The following KIF21B variants were observed in gnomAD, a reference collection of about 807,000 sequenced individuals.
KIF21B encodes kinesin family member 21B, also known as kinesin-like protein KIF21B.
In KIF21B, 85 loss-of-function variants were observed where a neutral mutation model predicts 192.9. The observed-to-expected ratio is 0.44, with a 90% CI of 0.37 to 0.53. KIF21B has a LOEUF of 0.53. Among genes scored for constraint, KIF21B ranks in the 20% least tolerant of loss-of-function variants. The pLI, the probability that KIF21B is intolerant of heterozygous loss-of-function variation, is 0.00. For missense variants in KIF21B, 1,716 were observed against 2,194.8 expected (o/e 0.78, Z 4.36); for synonymous variants, 832 against 884.6 (o/e 0.94, Z 1.05).
In KIF21B at chr1:200,998,595, C is replaced by A; in HGVS notation, c.1886-20G>T. 1 of 1,609,632 alleles carries A rather than the reference C, an allele frequency of 6.2e-7. No homozygotes were observed. Among genetic ancestry groups the A allele is most frequent in the Non-Finnish European group, 8.5e-7 (1 of 1,177,422 alleles). On this transcript the variant is annotated intron_variant, in intron 13 of 34. Coordinates refer to ENST00000461742, the MANE Select transcript of KIF21B (RefSeq NM_001252102.2). This position sits in a 1 kb window ranked among gnomAD's most constrained non-coding sequence, Gnocchi z 4.3. ...TCACCTCTATGGGGGCACAATCAGG[C>A]TCAGCCCAGCGTTAGGGCGAGGGGC...
At chr1:201,009,967 G>C (rs549777516) in intron 1 of KIF21B, among the ~76,000 whole-genome samples, 26 of 152,310 alleles carry the variant, frequency 1.7e-4, no homozygotes, top group Middle Eastern at 6.8e-3. Flanking sequence ...GAGAGAAGGC[G>C]GCTTGTCCAC....
In KIF21B at chr1:201,023,488, T is replaced by A; in HGVS notation, c.-105A>T. 1.2e-6 allele frequency: 1 copy of A among 800,624 alleles called. No homozygotes were observed. The highest frequency in any genetic ancestry group is 1.7e-6 in the Non-Finnish European group (1 of 600,538). 49.6% of individuals were successfully genotyped at this position (800,624 alleles called of 1,614,324 possible). The stretch of plus-strand genomic sequence containing the variant: ...CGGGAGGCGGGGGCGCGGGCGCGGC[T>A]GGCGGAGGCTGCGGCGGCGGCGGCT... On this transcript the variant is annotated 5_prime_UTR_variant, in exon 1 of 35. Transcript: ENST00000461742. This position sits in a 1 kb window ranked among gnomAD's most constrained non-coding sequence, Gnocchi z 5.9.
rs756914215 is a variant in KIF21B, at chr1:201,005,035, C to T, written c.733-102G>A. On this transcript the variant is annotated intron_variant, in intron 5 of 34. Coordinates refer to ENST00000461742, the MANE Select transcript of KIF21B (RefSeq NM_001252102.2). ...GGGAGAGGCACGGTGGACGGCCAAG[C>T]GCCTTGCCCTTCGCACATGCAGAGC... 86 of 1,339,610 alleles carry T rather than the reference C, an allele frequency of 6.4e-5. No homozygotes were observed. The South Asian group carries it at 7.4e-4, about 12-fold the overall frequency. The allele number at this position is 1,339,610 out of a possible 1,614,324, so 83.0% of individuals were successfully genotyped here. A position where few individuals can be genotyped will look rare whatever the true frequency, so the allele number is the denominator to read the frequency against.
rs1461684683 is a variant in KIF21B, at chr1:200,977,096, G to T, written c.4325+116C>A. The T allele has an allele frequency of 3.8e-5, 47 of 1,224,558 alleles. No individual in the cohort carries two copies. The South Asian group carries it at 5.4e-4, about 14-fold the overall frequency. 75.9% of individuals were successfully genotyped at this position (1,224,558 alleles called of 1,614,324 possible). On this transcript the variant is annotated intron_variant, in intron 31 of 34. Transcript: ENST00000461742. Reference sequence around the variant, plus strand: ...AGGGCACAGGCCCAGCAGCATGGGGGGAATAAAGGTGTTGCTGAGGTCCTA... The same window carrying T: ...AGGGCACAGGCCCAGCAGCATGGGGTGAATAAAGGTGTTGCTGAGGTCCTA...
chr1:201,003,471 T>TA (rs1210248853), intron 8 of KIF21B, 115 bp downstream of exon 8: 1 of 998,434 alleles, frequency 1.0e-6, no homozygotes, highest in East Asian at 2.5e-5. Flanking sequence ...TGGATGATGG[T>TA]AATAGGGAGG....
intron 26 of KIF21B, among the ~76,000 whole-genome samples, chr1:200,985,816 T>TTTCCC (rs1178635501): frequency 1.4e-3 from 83 of 61,366 alleles, no homozygotes; most frequent in African/African-American, 7.8e-3. Context: ...CCTCCCTTCC[T>TTTCCC]TTCCCTTCCC....
intron 2 of KIF21B, 39 bp downstream of exon 2, chr1:201,009,227 A>C: frequency 6.3e-7 from 1 of 1,580,272 alleles, no homozygotes; most frequent in East Asian, 2.2e-5. Flanking sequence ...AGGGAGACCA[A>C]GGCTGGAGCC....
At chr1:201,019,637 G>A (rs947318385) in intron 1 of KIF21B, among the ~76,000 whole-genome samples, 16 of 152,082 alleles carry the variant, frequency 1.1e-4, no homozygotes, top group Admixed American at 9.8e-4. Flanking sequence ...GGAGGTTTCC[G>A]GGGCCTGTGG....
At chr1:200,997,252 G>A (rs942737387) in intron 14 of KIF21B, among the ~76,000 whole-genome samples, 16 of 152,078 alleles carry the variant, frequency 1.1e-4, no homozygotes, top group African/African-American at 3.9e-4. Flanking sequence ...TTTCTTCTCC[G>A]ACCTGTCCCC....
In KIF21B at chr1:200,986,935, C is replaced by T. The variant is rs778674200; in HGVS notation, c.3615-17G>A. Reference sequence around the variant, plus strand: ...TGCCTAGGGCTACAACAGAAGAGTCCAGTGAGGCCCAGACCCAACTCCACC... The same window carrying T: ...TGCCTAGGGCTACAACAGAAGAGTCTAGTGAGGCCCAGACCCAACTCCACC... On this transcript the variant is annotated splice_polypyrimidine_tract_variant and intron_variant, in intron 25 of 34. Coordinates refer to ENST00000461742, the MANE Select transcript of KIF21B (RefSeq NM_001252102.2). The T allele has an allele frequency of 1.7e-5, 27 of 1,612,830 alleles. No homozygotes were observed. The highest frequency in any genetic ancestry group is 2.3e-5 in the Non-Finnish European group (27 of 1,179,178).
chr1:201,016,220 A>G (rs1257315336), intron 1 of KIF21B, among the ~76,000 whole-genome samples: 1 of 152,220 alleles, frequency 6.6e-6, no homozygotes, highest in Non-Finnish European at 1.5e-5. Flanking sequence ...CCAGGGTGGG[A>G]AATAGCTTGG....
chr1:201,000,504 G>T lies in KIF21B; in HGVS notation c.1571C>A (p.Pro524Gln). The T allele has an allele frequency of 6.2e-7, 1 of 1,610,060 alleles. No individual in the cohort carries two copies. The highest frequency in any genetic ancestry group is 1.7e-4 in the Middle Eastern group (1 of 6,038). The change falls in exon 11 of 35, where the codon CCG becomes CAG. Residue 524 changes from proline to glutamine, a missense_variant. Around this residue, in one of 3 missense-constraint regions of KIF21B, gnomAD observed 1,087 missense variants for 1,316.6 expected, o/e 0.83. Coordinates refer to ENST00000461742, the MANE Select transcript of KIF21B (RefSeq NM_001252102.2). The surrounding 1 kb of genome is among the most constrained non-coding windows in gnomAD (Gnocchi z 6.0). Reference protein sequence around the residue: ...PYSLGASPAAPAFGGSPASSM... With the variant: ...PYSLGASPAAQAFGGSPASSM... ...GCTGGCAGGGCTGCCCCCGAAGGCC[G>T]GGGCGGCTGGAGAAGCACCCAGGGA...
intron 1 of KIF21B, among the ~76,000 whole-genome samples, chr1:201,020,440 A>C (rs754577812): frequency 3.9e-5 from 6 of 152,148 alleles, no homozygotes; most frequent in Non-Finnish European, 7.4e-5. Flanking sequence ...CAGGAAGCTG[A>C]GAATCTTTAC....
chr1:200,974,224 G>T, intron 34 of KIF21B: 1 of 1,523,764 alleles, frequency 6.6e-7, no homozygotes, highest in Non-Finnish European at 8.8e-7. Context: ...AGGACAGAGA[G>T]GAGAGGTGGG....
chr1:200,985,674 A>G (rs1260372050), intron 26 of KIF21B, among the ~76,000 whole-genome samples: 1 of 152,120 alleles, frequency 6.6e-6, no homozygotes, highest in East Asian at 1.9e-4. Context: ...GTGGGTGACC[A>G]GCTGGGGACT....
chr1:200,986,217 A>C (rs1200410880), intron 26 of KIF21B, among the ~76,000 whole-genome samples: 1 of 152,162 alleles, frequency 6.6e-6, no homozygotes, highest in African/African-American at 2.4e-5. Context: ...GGTCATGAAA[A>C]GGGGCTGAAG....
rs1246329410 is a variant in KIF21B, at chr1:201,005,547, C to T, written c.595G>A (p.Glu199Lys). Residue 199 changes from glutamate to lysine, a missense_variant and splice_region_variant, in exon 4 of 35, where the codon GAG (glutamate) becomes AAG (lysine). Transcript: ENST00000461742. ...CCAGACCTCCAGCAGAGGCTCACCT[C>T]CTCCTGGGAGTGGATGAGGCGAGAA... ...VTSRLIHSQE[E>K]LIQCLKQGAL... is the part of the protein sequence containing the mutation. The T allele has an allele frequency of 9.3e-6, 15 of 1,612,458 alleles. No individual in the cohort carries two copies. Among genetic ancestry groups the T allele is most frequent in the Non-Finnish European group, 1.3e-5 (15 of 1,178,966 alleles).
At chr1:200,983,159 G>T in intron 27 of KIF21B, 65 bp from the exon 28 acceptor site, 1 of 1,399,020 alleles carries the variant, frequency 7.1e-7, no homozygotes, top group Non-Finnish European at 9.8e-7. Flanking sequence ...GGGACGCAGA[G>T]GCGGCAGCAG....
At chr1:200,983,019 A>T (rs1259303681) in intron 28 of KIF21B, 37 bp downstream of exon 28, 1 of 1,527,884 alleles carries the variant, frequency 6.5e-7, no homozygotes. Context: ...CGAGAGTGAG[A>T]GTGGGGAACC....
Sources: allele counts gnomAD v4.1 joint callset (sites outside exome capture counted in the v4.1 genomes callset), GRCh38; gene constraint gnomAD v4.1.1; regional missense constraint gnomAD v4.1.1; non-coding constraint Gnocchi (gnomAD v3.1); transcripts MANE v1.5; gene names NCBI Gene and HGNC (gene_info 2026-07-23, HGNC 2026-07-21).